Variants in TBX18 observed in about 807,000 individuals in gnomAD.
The protein encoded by TBX18 is T-box transcription factor TBX18.
In TBX18, 21 loss-of-function variants were observed where a neutral mutation model predicts 55.0. That is an observed-to-expected ratio of 0.38 (90% confidence interval 0.27 to 0.55). The LOEUF (loss-of-function observed/expected upper bound fraction) is 0.55. Ranked by LOEUF, TBX18 falls within the 20% of genes least tolerant of loss-of-function variation. The probability of loss-of-function intolerance (pLI) is 0.73; values close to 1 mark genes in which losing one functional copy is unlikely to be tolerated. For missense variants in TBX18, 840 were observed against 799.6 expected, an observed-to-expected ratio of 1.05 and a Z score of -0.61; for synonymous variants, 342 against 326.1, an observed-to-expected ratio of 1.05 and a Z score of -0.53.
rs1053395270 is a variant in TBX18 at position 84,736,252 on chromosome 6, C to T, written c.*433G>A. 1 of 152,892 alleles carries T rather than the reference C, an allele frequency of 6.5e-6. No individual in the cohort carries two copies. Among genetic ancestry groups the T allele is most frequent in the Non-Finnish European group, 1.5e-5 (1 of 68,240 alleles). 9.5% of individuals were successfully genotyped at this position (152,892 alleles called of 1,614,324 possible). On this transcript the variant is annotated 3_prime_UTR_variant, in exon 8 of 8. Coordinates refer to ENST00000369663, the MANE Select transcript of TBX18 (RefSeq NM_001080508.3). ...TCCAAGAATAACAGAAATCACAAGA[C>T]TCTACATGCTGGTTACTGCTGGTTA...
rs541633421 is a variant in TBX18 at position 84,763,937 on chromosome 6, G to A, written c.245C>T (p.Thr82Met). The A allele has an allele frequency of 8.2e-6, 13 of 1,578,550 alleles. No homozygotes were observed. The highest frequency in any genetic ancestry group is 1.1e-5 in the Non-Finnish European group (13 of 1,168,114). Residue 82 changes from threonine to methionine, a missense_variant, in exon 1 of 8, where the codon ACG becomes ATG. Coordinates refer to ENST00000369663, the MANE Select transcript of TBX18 (RefSeq NM_001080508.3). ...TGCGCCACTCCGAGCCGGCCCAGAC[G>A]TCGCCCCAGCCGGCGGCGGGAGCGC... ...GAALPPPAGA[T>M]SGPARSGADL...
chr6:84,747,230 T>C lies in TBX18; in HGVS notation c.939+690A>G, dbSNP rs543359347. 7.2e-5 allele frequency among the ~76,000 whole-genome samples: 11 copies of C among 151,992 alleles called. No individual in the cohort carries two copies. In the East Asian group the frequency reaches 1.7e-3, roughly 24 times the overall value. ...ACAGGCCACATCGGCTTATATTACA[T>C]GGATATTTCTTATGAAAACCAGCTG... On this transcript the variant is annotated intron_variant, in intron 5 of 7. Transcript: ENST00000369663.
intron 3 of TBX18, among the ~76,000 whole-genome samples, chr6:84,758,297 A>G (rs528209173): frequency 6.6e-6 from 1 of 151,718 alleles, no homozygotes; most frequent in South Asian, 2.1e-4. Context: ...AATCCCAGCT[A>G]TTCGGGAGGC....
At chr6:84,744,969 T>C (rs1767144591) in intron 5 of TBX18, among the ~76,000 whole-genome samples, 1 of 152,282 alleles carries the variant, frequency 6.6e-6, no homozygotes, top group East Asian at 1.9e-4. Context: ...TAACCACTAC[T>C]TGAAGGTTCT....
At position 84,764,140 on chromosome 6, in the gene TBX18, G is replaced by C; in HGVS notation, c.42C>G (p.Ser14Arg). The change falls in exon 1 of 8, where the codon AGC becomes AGG. Residue 14 changes from serine to arginine, a missense_variant. Coordinates refer to ENST00000369663, the MANE Select transcript of TBX18 (RefSeq NM_001080508.3). ...KRRGSPCSMLSLKAHAFSVEA... is the reference protein window; with the variant it reads ...KRRGSPCSMLRLKAHAFSVEA... ...CCACCGAGAAAGCGTGCGCCTTGAG[G>C]CTTAGCATGCTGCACGGCGAGCCCC... 7 of 1,561,620 alleles carry C rather than the reference G, an allele frequency of 4.5e-6. No individual in the cohort carries two copies. The highest frequency in any genetic ancestry group is 6.0e-6 in the Non-Finnish European group (7 of 1,163,958).
In TBX18 at chr6:84,733,048, CAT is replaced by C. The variant is rs2127868749; in HGVS notation, c.*3635_*3636del. The C allele has an allele frequency of 6.6e-6, 1 of 152,092 alleles. No individual in the cohort carries two copies. The highest frequency in any genetic ancestry group is 1.9e-4 in the East Asian group (1 of 5,170). 9.4% of individuals were successfully genotyped at this position (152,092 alleles called of 1,614,324 possible). The stretch of plus-strand genomic sequence containing the variant: ...TACCCAAAATCATGATTGAGAAATC[CAT>C]AGTCTCAAACTAAGTTCTCTAATTC... On this transcript the variant is annotated 3_prime_UTR_variant, in exon 8 of 8. Coordinates refer to ENST00000369663, the MANE Select transcript of TBX18 (RefSeq NM_001080508.3).
intron 4 of TBX18, among the ~76,000 whole-genome samples, chr6:84,752,473 C>T (rs995969777): frequency 6.6e-6 from 1 of 152,212 alleles, no homozygotes; most frequent in Non-Finnish European, 1.5e-5. Context: ...GAATCACAAA[C>T]TCCATAGCAA....
Position 84,736,652 on chromosome 6 carries a change from C to T in TBX18, c.*33G>A. The T allele has an allele frequency of 6.7e-7, 1 of 1,491,692 alleles. No individual in the cohort carries two copies. The allele number at this position is 1,491,692 out of a possible 1,614,324, so 92.4% of individuals were successfully genotyped here. A position where few individuals can be genotyped will look rare whatever the true frequency, so the allele number is the denominator to read the frequency against. The stretch of plus-strand genomic sequence containing the variant: ...AAAAAGAAAAAGAAAATATGTTAGA[C>T]AGATCCAAATGTCATTTAACTTAAA... On this transcript the variant is annotated 3_prime_UTR_variant, in exon 8 of 8. Transcript: ENST00000369663.
chr6:84,760,513 G>A (rs939638378), intron 2 of TBX18, among the ~76,000 whole-genome samples, 157 bp from the exon 3 acceptor site: 2 of 152,152 alleles, frequency 1.3e-5, no homozygotes, highest in East Asian at 3.8e-4. Flanking sequence ...TCAGGACATA[G>A]AACATATCAG....
At position 84,752,191 on chromosome 6, in the gene TBX18, A is replaced by G. The variant is rs149564714; in HGVS notation, c.772-4104T>C. Reference sequence around the variant, plus strand: ...AAGGACACCTAGATTTGAGTCAAAAAAAAAAAGCATAATATTGTTTATTTC... The same window carrying G: ...AAGGACACCTAGATTTGAGTCAAAAGAAAAAAGCATAATATTGTTTATTTC... On this transcript the variant is annotated intron_variant, in intron 4 of 7. Transcript: ENST00000369663. 2.4e-3 allele frequency among the ~76,000 whole-genome samples: 370 copies of G among 152,276 alleles called. 1 individual carries two copies. The highest frequency in any genetic ancestry group is 8.4e-3 in the African/African-American group (348 of 41,560).
rs549396392 is a variant in TBX18, at chr6:84,736,422, C to G, written c.*263G>C. ...GAGAACTTTGCTTAAACATACTACA[C>G]GCATGCCAATACTCCGTGCAACTGG... On this transcript the variant is annotated 3_prime_UTR_variant, in exon 8 of 8. Transcript: ENST00000369663. 2 of 289,058 alleles carry G rather than the reference C, an allele frequency of 6.9e-6. No homozygotes were observed. The highest frequency in any genetic ancestry group is 1.3e-5 in the Non-Finnish European group (2 of 159,538). The allele number at this position is 289,058 out of a possible 1,614,324, so 17.9% of individuals were successfully genotyped here. A position where few individuals can be genotyped will look rare whatever the true frequency, so the allele number is the denominator to read the frequency against.
chr6:84,742,844 A>G (rs1431301698), intron 6 of TBX18, among the ~76,000 whole-genome samples: 2 of 152,210 alleles, frequency 1.3e-5, no homozygotes, highest in East Asian at 3.8e-4. Context: ...ATTCCATCAA[A>G]GCATTCGCCA....
At chr6:84,741,987 T>G (rs1767059536) in intron 6 of TBX18, 1 of 152,134 alleles carries the variant, frequency 6.6e-6, no homozygotes, top group African/African-American at 2.4e-5. Context: ...GATTTTTAAA[T>G]AGAGGAATAA....
At position 84,764,032 on chromosome 6, in the gene TBX18, C is replaced by T; in HGVS notation, c.150G>A (p.Val50=). The change falls in exon 1 of 8, where the codon GTG becomes GTA. Residue 50 remains valine, a synonymous_variant. Transcript: ENST00000369663. ...KLGAEEAAGA[V]DDGGCSRGGG... is the part of the protein sequence containing the mutation. Reference sequence around the variant, plus strand: ...CGCCGCGGCTGCAGCCTCCGTCGTCCACGGCCCCCGCCGCCTCTTCGGCGC... The same window carrying T: ...CGCCGCGGCTGCAGCCTCCGTCGTCTACGGCCCCCGCCGCCTCTTCGGCGC... 4 of 1,556,244 alleles carry T rather than the reference C, an allele frequency of 2.6e-6. No individual in the cohort carries two copies. The highest frequency in any genetic ancestry group is 3.5e-6 in the Non-Finnish European group (4 of 1,153,784).
In TBX18 at chr6:84,764,341, T is replaced by C; in HGVS notation, c.-160A>G. ...CAAAAAACAGATTTGGCGTTTCCGC[T>C]TTCTCGCTTGTGTTGGGATCCAGGA... On this transcript the variant is annotated 5_prime_UTR_variant, in exon 1 of 8. Coordinates refer to ENST00000369663, the MANE Select transcript of TBX18 (RefSeq NM_001080508.3). 1 of 1,068,232 alleles carries C rather than the reference T, an allele frequency of 9.4e-7. No homozygotes were observed. Among genetic ancestry groups the C allele is most frequent in the Non-Finnish European group, 1.2e-6 (1 of 801,404 alleles). 66.2% of individuals were successfully genotyped at this position (1,068,232 alleles called of 1,614,324 possible).
At chr6:84,750,666 C>T (rs1208167025) in intron 4 of TBX18, among the ~76,000 whole-genome samples, 3 of 152,152 alleles carry the variant, frequency 2.0e-5, no homozygotes, top group East Asian at 1.9e-4. Context: ...CCCACCACCA[C>T]GTTCATGTGC....
rs116485165 is a variant in TBX18, at chr6:84,748,627, G to A, written c.772-540C>T. On this transcript the variant is annotated intron_variant, in intron 4 of 7. Coordinates refer to ENST00000369663, the MANE Select transcript of TBX18 (RefSeq NM_001080508.3). ...GGCTCACAAAGTCTCTGGTTTGCTG[G>A]GAGCGCCCAGTGTCTGTGCCTCTAT... Among the ~76,000 whole-genome samples, 593 of 152,196 alleles carry A rather than the reference G, an allele frequency of 3.9e-3. 4 individuals carry two copies. Among genetic ancestry groups the A allele is most frequent in the African/African-American group, 0.014 (576 of 41,526 alleles).
intron 5 of TBX18, among the ~76,000 whole-genome samples, chr6:84,746,953 A>G (rs1161487695): frequency 2.6e-5 from 4 of 151,966 alleles, no homozygotes; most frequent in Non-Finnish European, 1.5e-5. Flanking sequence ...TGGCAACATG[A>G]GTGTGAGAGG....
chr6:84,764,367 AC>A lies in TBX18; in HGVS notation c.-187del. On this transcript the variant is annotated 5_prime_UTR_variant, in exon 1 of 8. Transcript: ENST00000369663. ...TTCTCGCTTGTGTTGGGATCCAGGA[AC>A]CGGCGACGCGCCGGCCAAGTCTCCT... The A allele has an allele frequency of 2.4e-6, 2 of 821,362 alleles. No homozygotes were observed. The highest frequency in any genetic ancestry group is 3.4e-6 in the Non-Finnish European group (2 of 581,854). 50.9% of individuals were successfully genotyped at this position (821,362 alleles called of 1,614,324 possible). A position where few individuals can be genotyped will look rare whatever the true frequency, so the allele number is the denominator to read the frequency against.
Sources: gnomAD v4.1 joint callset for allele counts (sites outside exome capture counted in the v4.1 genomes callset) on GRCh38, gnomAD v4.1.1 for gene constraint, MANE v1.5 for transcripts, NCBI Gene and HGNC (gene_info 2026-07-23, HGNC 2026-07-21) for gene names.